Variants in BACH1 observed in about 807,000 individuals in gnomAD.
BACH1 encodes BTB domain and CNC homolog 1.
BACH1 carries 35 observed loss-of-function variants against 52.9 expected under a neutral mutation model. The observed-to-expected ratio is 0.66, with a 90% CI of 0.51 to 0.88. BACH1 has a LOEUF of 0.88. Among genes scored for constraint, BACH1 ranks in the 40% least tolerant of loss-of-function variants. The probability of loss-of-function intolerance (pLI) is 0.00; values close to 1 mark genes in which losing one functional copy is unlikely to be tolerated. For synonymous variants in BACH1, 321 were observed against 319.6 expected, an observed-to-expected ratio of 1.00 and a Z score of -0.05; for missense variants, 808 against 872.6, an observed-to-expected ratio of 0.93 and a Z score of 0.93.
chr21:29,344,501 TTCTC>T lies in BACH1; in HGVS notation c.*1672_*1675del, dbSNP rs1354738552. On this transcript the variant is annotated 3_prime_UTR_variant, in exon 5 of 5. Coordinates refer to ENST00000286800, the MANE Select transcript of BACH1 (RefSeq NM_001186.4). ...TAGTATATTTTCAGTGGTTTGTATGTTCTCTCTGTCACTGACTTATTTGTAAGAG... is the reference window on the plus strand; with the variant it reads ...TAGTATATTTTCAGTGGTTTGTATGTTCTGTCACTGACTTATTTGTAAGAG... The T allele has an allele frequency of 2.0e-5, 3 of 152,664 alleles. No individual in the cohort carries two copies. The highest frequency in any genetic ancestry group is 3.8e-4 in the East Asian group (2 of 5,202). 9.5% of individuals were successfully genotyped at this position (152,664 alleles called of 1,614,324 possible).
rs145408575 is a variant in BACH1, at chr21:29,356,516, A to G, written c.472+26823A>G. Among the ~76,000 whole-genome samples, 158 of 152,314 alleles carry G rather than the reference A, an allele frequency of 1.0e-3. 2 individuals are homozygous for G. In the East Asian group the frequency reaches 0.024, roughly 23 times the overall value. On this transcript the variant is annotated intron_variant, in intron 2 of 4. Coordinates refer to the BACH1 transcript ENST00000422809. ...TTTCCTTATCACTTACTGAATACCC[A>G]TTGTGTCTTTTTTCCTTAGTAGTTG...
rs1057455148 is a variant in BACH1 at position 29,324,149 on chromosome 21, G to A, written c.235-1910G>A. Among the ~76,000 whole-genome samples, 4 of 149,686 alleles carry A rather than the reference G, an allele frequency of 2.7e-5. No individual in the cohort carries two copies. In the Admixed American group the frequency reaches 2.7e-4, roughly 10 times the overall value. On this transcript the variant is annotated intron_variant, in intron 2 of 4. Coordinates refer to ENST00000286800, the MANE Select transcript of BACH1 (RefSeq NM_001186.4). ...CACCTGTAATCCCAGCTACTCGGGA[G>A]ACTGAGGCAGGAGAATCACTTGCAG...
rs563151060 is a variant in BACH1 at position 29,337,958 on chromosome 21, CAAAA to C, written c.1777-4436_1777-4433del. On this transcript the variant is annotated intron_variant, in intron 4 of 4. Coordinates refer to ENST00000286800, the MANE Select transcript of BACH1 (RefSeq NM_001186.4). ...ACAAAAACAAAAACAAAAACAAAAA[CAAAA>C]AAAACGAGTTAATGGGTGCAGCACA... 5.8e-3 allele frequency among the ~76,000 whole-genome samples: 872 copies of C among 150,466 alleles called. 3 individuals carry two copies. The highest frequency in any genetic ancestry group is 7.3e-3 in the Non-Finnish European group (494 of 67,718).
intron 4 of BACH1, among the ~76,000 whole-genome samples, chr21:29,335,746 C>T (rs1325565785): frequency 6.6e-6 from 1 of 152,160 alleles, no homozygotes; most frequent in African/African-American, 2.4e-5. Flanking sequence ...GTCTTTGCAC[C>T]TCTATCTCCG....
In BACH1 at chr21:29,325,837, G is replaced by A. The variant is rs927461069; in HGVS notation, c.235-222G>A. Among the ~76,000 whole-genome samples, 3 of 152,062 alleles carry A rather than the reference G, an allele frequency of 2.0e-5. No individual in the cohort carries two copies. In the East Asian group the frequency reaches 5.8e-4, roughly 29 times the overall value. On this transcript the variant is annotated intron_variant, in intron 2 of 4. Transcript: ENST00000286800. ...CCATAATTCATGTGCAATTAAGAGAGGACTCTATAAAATAGTGTGTGGTCC... is the reference window on the plus strand; with the variant it reads ...CCATAATTCATGTGCAATTAAGAGAAGACTCTATAAAATAGTGTGTGGTCC...
At chr21:29,357,970 C>T (rs1314177230) in intron 2 of BACH1, among the ~76,000 whole-genome samples, 1 of 152,184 alleles carries the variant, frequency 6.6e-6, no homozygotes, top group African/African-American at 2.4e-5. Context: ...CTCCCACTCA[C>T]CTAGTCCCCA....
intron 2 of BACH1, among the ~76,000 whole-genome samples, chr21:29,355,090 G>A (rs1233963637): frequency 6.6e-6 from 1 of 152,182 alleles, no homozygotes; most frequent in Non-Finnish European, 1.5e-5. Context: ...TGACTGGGGT[G>A]GCCAGCTTTT....
At chr21:29,351,694 A>G (rs779107937) in intron 2 of BACH1, 1 of 534,794 alleles carries the variant, frequency 1.9e-6, no homozygotes, top group South Asian at 1.4e-5. Context: ...AACTCTGGAT[A>G]CCTGCTCAGA....
At chr21:29,318,444 G>T (rs1022980908) in intron 1 of BACH1, among the ~76,000 whole-genome samples, 8 of 152,246 alleles carry the variant, frequency 5.3e-5, no homozygotes, top group African/African-American at 1.2e-4. Context: ...AAGGGAGACT[G>T]ATCCTTCTTA....
At chr21:29,315,197 T>C (rs1256850053) in intron 1 of BACH1, among the ~76,000 whole-genome samples, 1 of 152,158 alleles carries the variant, frequency 6.6e-6, no homozygotes, top group African/African-American at 2.4e-5. Context: ...TGCCATCCAC[T>C]TGAAAAATTG....
intron 4 of BACH1, among the ~76,000 whole-genome samples, chr21:29,336,888 T>C (rs747940878): frequency 2.1e-4 from 32 of 152,112 alleles, no homozygotes; most frequent in Non-Finnish European, 3.7e-4. Context: ...GCCAGCCTGG[T>C]CTCGAACACC....
downstream of BACH1, among the ~76,000 whole-genome samples, chr21:29,351,115 C>T (rs2089199581): frequency 6.6e-6 from 1 of 152,146 alleles, no homozygotes; most frequent in Admixed American, 6.5e-5. Context: ...AAACAGACAC[C>T]ATTTTCATTC....
chr21:29,346,366 A>G (rs1485323928), downstream of BACH1, among the ~76,000 whole-genome samples: 2 of 152,168 alleles, frequency 1.3e-5, no homozygotes, highest in Non-Finnish European at 2.9e-5. Context: ...GTTTGGATAG[A>G]GAAGTATAGG....
intron 1 of BACH1, among the ~76,000 whole-genome samples, chr21:29,312,928 C>T (rs1408382482): frequency 6.6e-6 from 1 of 152,134 alleles, no homozygotes; most frequent in Non-Finnish European, 1.5e-5. Flanking sequence ...AAGAATTAGA[C>T]ATTTCACAAA....
downstream of BACH1, among the ~76,000 whole-genome samples, chr21:29,346,869 C>G (rs1167706857): frequency 6.6e-6 from 1 of 151,896 alleles, no homozygotes; most frequent in Non-Finnish European, 1.5e-5. Flanking sequence ...AGAAGATGGT[C>G]TCTGGGGAGA....
intron 1 of BACH1, among the ~76,000 whole-genome samples, chr21:29,317,661 G>A (rs2088803753): frequency 6.6e-6 from 1 of 152,190 alleles, no homozygotes; most frequent in Admixed American, 6.5e-5. Flanking sequence ...CATTTATTTG[G>A]AAGATGACGT....
rs571426259 is a variant in BACH1, at chr21:29,361,528, A to T, written c.472+31835A>T. 4 of 152,146 alleles carry T rather than the reference A, an allele frequency of 2.6e-5. No individual in the cohort carries two copies. In the East Asian group the frequency reaches 7.7e-4, roughly 29 times the overall value. 9.4% of individuals were successfully genotyped at this position (152,146 alleles called of 1,614,324 possible). A position where few individuals can be genotyped will look rare whatever the true frequency, so the allele number is the denominator to read the frequency against. On this transcript the variant is annotated intron_variant, in intron 2 of 4. Transcript: ENST00000422809. ...GTTGTGGCTTTGCAGACCTTGCTGC[A>T]CTTTGATCTTTTTCTCGTTCCAGCT...
intron 3 of BACH1, among the ~76,000 whole-genome samples, chr21:29,328,924 C>T (rs986689986): frequency 6.6e-6 from 1 of 152,210 alleles, no homozygotes; most frequent in Admixed American, 6.5e-5. Flanking sequence ...TGTGTATATA[C>T]ACCACGTTTT....
chr21:29,334,963 TGTG>T (rs1191743747), intron 4 of BACH1, among the ~76,000 whole-genome samples: 7 of 152,230 alleles, frequency 4.6e-5, no homozygotes, highest in Admixed American at 2.0e-4. Context: ...TTTCTTGAAA[TGTG>T]GTGTGTGTCC....
Sources: allele counts gnomAD v4.1 joint callset (sites outside exome capture counted in the v4.1 genomes callset), GRCh38; gene constraint gnomAD v4.1.1; transcripts MANE v1.5; gene names NCBI Gene and HGNC (gene_info 2026-07-23, HGNC 2026-07-21).